The following DCUN1D5 variants were observed in gnomAD, a reference collection of about 807,000 sequenced individuals.
DCUN1D5 encodes the protein defective in cullin neddylation 1 domain containing 5, also known as DCN1-like protein 5.
A neutral mutation model predicts 38.3 loss-of-function variants in DCUN1D5; 10 were observed. That is an observed-to-expected ratio of 0.26 (90% CI 0.16 to 0.44). The LOEUF (loss-of-function observed/expected upper bound fraction) is 0.44. Ranked by LOEUF, DCUN1D5 falls within the 20% of genes least tolerant of loss-of-function variation. DCUN1D5 has a pLI of 1.00. For synonymous variants in DCUN1D5, 93 were observed against 90.9 expected, an observed-to-expected ratio of 1.02 and a Z score of -0.13; for missense variants, 148 against 275.3, an observed-to-expected ratio of 0.54 and a Z score of 3.27.
rs1487871659 is a variant in DCUN1D5 at position 103,056,033 on chromosome 11, C to A, written c.*6326G>T. Among the ~76,000 whole-genome samples, 2 of 152,172 alleles carry A rather than the reference C, an allele frequency of 1.3e-5. No individual in the cohort carries two copies. The highest frequency in any genetic ancestry group is 2.4e-5 in the African/African-American group (1 of 41,444). ...CCTCACATCCATTCTATCAGCATAT[C>A]CTTTTGGTGCTACCACCAAAATACA... On this transcript the variant is annotated 3_prime_UTR_variant, in exon 8 of 8. Transcript: ENST00000260247. This position sits in a 1 kb window ranked among gnomAD's most constrained non-coding sequence, Gnocchi z 4.9.
intron 4 of DCUN1D5, among the ~76,000 whole-genome samples, chr11:103,067,559 C>T (rs1456163378): frequency 1.3e-5 from 2 of 152,210 alleles, no homozygotes; most frequent in African/African-American, 4.8e-5. Flanking sequence ...CAGTATTCCA[C>T]TCAAAACTGA....
At chr11:103,072,379 A>ACTAGATCTAGATCTAGATCTAG (rs1862300076) in intron 4 of DCUN1D5, among the ~76,000 whole-genome samples, 1 of 136,288 alleles carries the variant, frequency 7.3e-6, no homozygotes, top group African/African-American at 3.1e-5. Context: ...TAGAACTAGA[A>ACTAGATCTAGATCTAGATCTAG]ATACCATTTG....
In DCUN1D5 at chr11:103,073,315, C is replaced by G. The variant is rs1438418967; in HGVS notation, c.342-6748G>C. Among the ~76,000 whole-genome samples, 1 of 151,988 alleles carries G rather than the reference C, an allele frequency of 6.6e-6. No homozygotes were observed. Among genetic ancestry groups the G allele is most frequent in the Admixed American group, 6.5e-5 (1 of 15,270 alleles). On this transcript the variant is annotated intron_variant, in intron 4 of 7. Coordinates refer to ENST00000260247, the MANE Select transcript of DCUN1D5 (RefSeq NM_032299.4). This position sits in a 1 kb window ranked among gnomAD's most constrained non-coding sequence, Gnocchi z 4.2. Reference sequence around the variant, plus strand: ...AAAAAAGAGAGAAGACAAAAATTACCAATATCAGGAATATTAAGAGTATTC... The same window carrying G: ...AAAAAAGAGAGAAGACAAAAATTACGAATATCAGGAATATTAAGAGTATTC...
In DCUN1D5 at chr11:103,082,758, T is replaced by A. The variant is rs750476423; in HGVS notation, c.331A>T (p.Thr111Ser). ...FTKEEWLKGM[T>S]SLQCDCTEKL... The stretch of plus-strand genomic sequence containing the variant: ...AAAAAAATTTCTTACTGTAATGAAG[T>A]CATTCCCTTTAACCATTCTTCCTTG... Residue 111 changes from threonine to serine, a missense_variant, in exon 4 of 8, where the codon ACT becomes TCT. Thr to Ser is a moderately conservative substitution (Grantham distance 58). Coordinates refer to ENST00000260247, the MANE Select transcript of DCUN1D5 (RefSeq NM_032299.4). 5 of 1,611,586 alleles carry A rather than the reference T, an allele frequency of 3.1e-6. No homozygotes were observed. The highest frequency in any genetic ancestry group is 4.2e-6 in the Non-Finnish European group (5 of 1,178,298).
chr11:103,084,404 G>C (rs1478850649), intron 2 of DCUN1D5, among the ~76,000 whole-genome samples: 1 of 152,158 alleles, frequency 6.6e-6, no homozygotes, highest in African/African-American at 2.4e-5. Flanking sequence ...GATCCAAGCT[G>C]CTAAGATGAC....
chr11:103,074,926 C>T (rs1862372007), intron 4 of DCUN1D5, among the ~76,000 whole-genome samples: 1 of 152,070 alleles, frequency 6.6e-6, no homozygotes, highest in South Asian at 2.1e-4. Flanking sequence ...CCTTTTTCTG[C>T]AAAAATTGAG....
chr11:103,090,519 A>G (rs952208169), intron 1 of DCUN1D5, among the ~76,000 whole-genome samples: 2 of 152,210 alleles, frequency 1.3e-5, no homozygotes, highest in Non-Finnish European at 2.9e-5. Flanking sequence ...TTTCCTTCTT[A>G]TAATCCTGGC....
rs1199409907 is a variant in DCUN1D5 at position 103,051,854 on chromosome 11, C to T, written c.*10505G>A. On this transcript the variant is annotated 3_prime_UTR_variant, in exon 8 of 8. Coordinates refer to ENST00000260247, the MANE Select transcript of DCUN1D5 (RefSeq NM_032299.4). ...CTTTCCAGCCTTCCTTACTAGTCTC[C>T]CTGTCCTCAGATTTTCCTGCTGCCT... The T allele has an allele frequency of 6.6e-6, 1 of 152,170 alleles. No individual in the cohort carries two copies. Among genetic ancestry groups the T allele is most frequent in the Non-Finnish European group, 1.5e-5 (1 of 68,064 alleles). 9.4% of individuals were successfully genotyped at this position (152,170 alleles called of 1,614,324 possible).
Position 103,052,486 on chromosome 11 carries a change from T to G in DCUN1D5, c.*9873A>C, listed in dbSNP as rs987848705. On this transcript the variant is annotated 3_prime_UTR_variant, in exon 8 of 8. Transcript: ENST00000260247. ...CATGGTCTCTGTTCACAGAGCTGTT[T>G]CCTTTTTAAGGATCATAATCTTCAA... 6.6e-6 allele frequency: 1 copy of G among 152,216 alleles called. No homozygotes were observed. Among genetic ancestry groups the G allele is most frequent in the African/African-American group, 2.4e-5 (1 of 41,462 alleles). The allele number at this position is 152,216 out of a possible 1,614,324, so 9.4% of individuals were successfully genotyped here.
rs1161119873 is a variant in DCUN1D5, at chr11:103,058,161, T to C, written c.*4198A>G. ...TGTATTTTAAGGAATATTTAACACA[T>C]GGTAAATCAGAAACCATGTAAAAAT... On this transcript the variant is annotated 3_prime_UTR_variant, in exon 8 of 8. Transcript: ENST00000260247. Among the ~76,000 whole-genome samples, 2 of 151,760 alleles carry C rather than the reference T, an allele frequency of 1.3e-5. No homozygotes were observed. Among genetic ancestry groups the C allele is most frequent in the Admixed American group, 6.6e-5 (1 of 15,214 alleles).
rs544521816 is a variant in DCUN1D5 at position 103,082,921 on chromosome 11, T to G, written c.250-82A>C. The G allele has an allele frequency of 3.2e-5, 32 of 1,006,180 alleles. No individual in the cohort carries two copies. The South Asian group carries it at 4.5e-4, about 14-fold the overall frequency. 62.3% of individuals were successfully genotyped at this position (1,006,180 alleles called of 1,614,324 possible). On this transcript the variant is annotated intron_variant, in intron 3 of 7. Transcript: ENST00000260247. ...CTATATTTATCATGGAGAGCATTTT[T>G]ACACAACTACTTCCATCCTTCAACT...
In DCUN1D5 at chr11:103,071,762, G is replaced by A. The variant is rs373551116; in HGVS notation, c.342-5195C>T. Among the ~76,000 whole-genome samples, 1 of 150,744 alleles carries A rather than the reference G, an allele frequency of 6.6e-6. No homozygotes were observed. Among genetic ancestry groups the A allele is most frequent in the African/African-American group, 2.4e-5 (1 of 41,236 alleles). ...TCTGAGTAGACCTGTTATTATTAAC[G>A]AAATTGAACTCAAAATTTTTAAACT... On this transcript the variant is annotated intron_variant, in intron 4 of 7. Coordinates refer to ENST00000260247, the MANE Select transcript of DCUN1D5 (RefSeq NM_032299.4). The surrounding 1 kb of genome is among the most constrained non-coding windows in gnomAD (Gnocchi z 4.1).
In DCUN1D5 at chr11:103,078,231, C is replaced by T. The variant is rs1332247405; in HGVS notation, c.341+4517G>A. ...ACGGTCCTCTTCAAAGGTCTATATT[C>T]AGTTTTCTCCACTGGTATAGTATTT... On this transcript the variant is annotated intron_variant, in intron 4 of 7. Transcript: ENST00000260247. This position sits in a 1 kb window ranked among gnomAD's most constrained non-coding sequence, Gnocchi z 4.6. Among the ~76,000 whole-genome samples, 1 of 152,190 alleles carries T rather than the reference C, an allele frequency of 6.6e-6. No individual in the cohort carries two copies. The highest frequency in any genetic ancestry group is 1.5e-5 in the Non-Finnish European group (1 of 68,032).
rs1176955705 is a variant in DCUN1D5, at chr11:103,064,943, AAAC to A, written c.556-569_556-567del. On this transcript the variant is annotated intron_variant, in intron 6 of 7. Transcript: ENST00000260247. The surrounding 1 kb of genome is among the most constrained non-coding windows in gnomAD (Gnocchi z 4.5). ...ATAAAGATTTTTAAAAATATATGCC[AAAC>A]AACCTGCACATAACAAGTGTCTGAA... Among the ~76,000 whole-genome samples, 1 of 152,324 alleles carries A rather than the reference AAAC, an allele frequency of 6.6e-6. No individual in the cohort carries two copies. The highest frequency in any genetic ancestry group is 1.5e-5 in the Non-Finnish European group (1 of 68,024).
intron 4 of DCUN1D5, among the ~76,000 whole-genome samples, chr11:103,076,101 G>A (rs953918681): frequency 2.0e-5 from 3 of 152,160 alleles, no homozygotes; most frequent in African/African-American, 4.8e-5. Flanking sequence ...AGACTTAAGT[G>A]TTAAGGGGGC....
intron 2 of DCUN1D5, among the ~76,000 whole-genome samples, chr11:103,084,588 G>A (rs1849771043): frequency 6.6e-6 from 1 of 152,168 alleles, no homozygotes; most frequent in Non-Finnish European, 1.5e-5. Context: ...AAATGAGAAT[G>A]TGTTAATTTT....
At chr11:103,089,844 A>AT (rs894411447) in intron 1 of DCUN1D5, among the ~76,000 whole-genome samples, 2 of 152,180 alleles carry the variant, frequency 1.3e-5, no homozygotes, top group Admixed American at 1.3e-4. Flanking sequence ...AATTACACAG[A>AT]TTTAAAAAAA....
rs1328182143 is a variant in DCUN1D5 at position 103,071,137 on chromosome 11, G to A, written c.342-4570C>T. On this transcript the variant is annotated intron_variant, in intron 4 of 7. Coordinates refer to ENST00000260247, the MANE Select transcript of DCUN1D5 (RefSeq NM_032299.4). The surrounding 1 kb of genome is among the most constrained non-coding windows in gnomAD (Gnocchi z 4.1). The stretch of plus-strand genomic sequence containing the variant: ...AAGCCTTAATCAACAATCTAAGCTT[G>A]TACCTCTAGAACCCAGAAAAAGAAA... 6.6e-6 allele frequency among the ~76,000 whole-genome samples: 1 copy of A among 152,088 alleles called. No individual in the cohort carries two copies. The highest frequency in any genetic ancestry group is 1.5e-5 in the Non-Finnish European group (1 of 67,970).
chr11:103,089,206 T>C, intron 2 of DCUN1D5, 21 bp downstream of exon 2: 1 of 1,607,596 alleles, frequency 6.2e-7, no homozygotes, highest in Non-Finnish European at 8.5e-7. Context: ...GACTAGTATC[T>C]TCTTATATTA....
Sources: gnomAD v4.1 joint callset for allele counts (sites outside exome capture counted in the v4.1 genomes callset) on GRCh38, gnomAD v4.1.1 for gene constraint, Gnocchi (gnomAD v3.1) non-coding constraint, MANE v1.5 for transcripts, NCBI Gene and HGNC (gene_info 2026-07-23, HGNC 2026-07-21) for gene names.